Variants in CAPN1 observed in about 807,000 individuals in gnomAD.
The protein encoded by CAPN1 is calpain-1 catalytic subunit.
In CAPN1, 77 loss-of-function variants were observed where a neutral mutation model predicts 105.2. The observed-to-expected ratio is 0.73, with a 90% CI of 0.61 to 0.88. The LOEUF (loss-of-function observed/expected upper bound fraction) is 0.88. CAPN1 is among the 40% of genes least tolerant of loss of function. The pLI, the probability that CAPN1 is intolerant of heterozygous loss-of-function variation, is 0.00. For missense variants in CAPN1, 833 were observed against 976.6 expected (o/e 0.85, Z 1.96); for synonymous variants, 355 against 388.8 (o/e 0.91, Z 1.02).
intron 10 of CAPN1, among the ~76,000 whole-genome samples, chr11:65,193,860 G>C (rs1360411312): frequency 6.6e-6 from 1 of 151,284 alleles, no homozygotes; most frequent in Non-Finnish European, 1.5e-5. Flanking sequence ...CTCCCAAGTG[G>C]CTGGGATTAT....
chr11:65,196,951 A>G (rs1948800034), intron 10 of CAPN1, among the ~76,000 whole-genome samples: 1 of 152,190 alleles, frequency 6.6e-6, no homozygotes, highest in South Asian at 2.1e-4. Flanking sequence ...TAAATATGAT[A>G]ATTAGCTTAA....
intron 11 of CAPN1, among the ~76,000 whole-genome samples, chr11:65,205,253 G>A (rs1948938652): frequency 6.6e-6 from 1 of 152,322 alleles, no homozygotes; most frequent in East Asian, 1.9e-4. Flanking sequence ...GCCAAGGTGA[G>A]GCTGTGCCAG....
intron 10 of CAPN1, among the ~76,000 whole-genome samples, chr11:65,203,149 A>C (rs1948896068): frequency 1.3e-5 from 2 of 151,428 alleles, no homozygotes; most frequent in Non-Finnish European, 2.9e-5. Flanking sequence ...ATAATTGGGT[A>C]GTTTCATCCA....
At chr11:65,185,149 T>C (rs1948613765) in intron 4 of CAPN1, among the ~76,000 whole-genome samples, 1 of 152,142 alleles carries the variant, frequency 6.6e-6, no homozygotes, top group East Asian at 1.9e-4. Flanking sequence ...TACAAATTGA[T>C]TAGCCTGCAG....
intron 10 of CAPN1, among the ~76,000 whole-genome samples, chr11:65,195,101 T>G (rs12223247): frequency 0.15 from 13,214 of 85,882 alleles, 1,064 homozygotes; most frequent in African/African-American, 0.35. Context: ...TTTTTTGGGG[T>G]TTTTTTTTTT....
chr11:65,182,910 A>T lies in CAPN1; in HGVS notation c.209A>T (p.Tyr70Phe). Residue 70 changes from tyrosine (Y) to phenylalanine (F), a missense_variant, in exon 2 of 22, where the codon TAC becomes TTC. Physicochemically the swap from Tyr to Phe is conservative, Grantham distance 22 (BLOSUM62 3). Transcript: ENST00000279247. ...AFPPVPQSLGYKDLGPNSSKT... is the reference protein window; with the variant it reads ...AFPPVPQSLGFKDLGPNSSKT... Reference sequence around the variant, plus strand: ...CCCCCGGTACCCCAGAGCCTGGGTTACAAGGACCTGGGTCCCAATTCCTCC... The same window carrying T: ...CCCCCGGTACCCCAGAGCCTGGGTTTCAAGGACCTGGGTCCCAATTCCTCC... 1.9e-6 allele frequency: 3 copies of T among 1,610,812 alleles called. No individual in the cohort carries two copies. The highest frequency in any genetic ancestry group is 2.5e-6 in the Non-Finnish European group (3 of 1,178,564).
At chr11:65,207,636 G>C (rs992803275) in intron 14 of CAPN1, among the ~76,000 whole-genome samples, 13 of 151,926 alleles carry the variant, frequency 8.6e-5, no homozygotes, top group Non-Finnish European at 1.5e-4. Flanking sequence ...ACTCAAGCCG[G>C]GCTCAGTGGC....
intron 10 of CAPN1, among the ~76,000 whole-genome samples, chr11:65,202,071 C>T (rs554714182): frequency 1.2e-4 from 18 of 151,948 alleles, no homozygotes; most frequent in African/African-American, 3.9e-4. Context: ...ATGATCCACC[C>T]GCCTCGGCCT....
chr11:65,193,064 T>G (rs1029748014), intron 10 of CAPN1, among the ~76,000 whole-genome samples: 17 of 149,874 alleles, frequency 1.1e-4, no homozygotes, highest in Non-Finnish European at 1.9e-4. Flanking sequence ...TACTGCAAGC[T>G]CTGCCTCCCG....
At chr11:65,205,981 C>T in intron 12 of CAPN1, 1 of 553,564 alleles carries the variant, frequency 1.8e-6, no homozygotes. Flanking sequence ...TGAGGCTTTT[C>T]CTGCCTTGCC....
rs1346013502 is a variant in CAPN1 at position 65,210,297 on chromosome 11, G to A, written c.1943-39G>A. The A allele has an allele frequency of 2.8e-6, 4 of 1,450,210 alleles. No homozygotes were observed. The highest frequency in any genetic ancestry group is 3.8e-6 in the Non-Finnish European group (4 of 1,039,208). 89.8% of individuals were successfully genotyped at this position (1,450,210 alleles called of 1,614,324 possible). On this transcript the variant is annotated intron_variant, in intron 19 of 21. Transcript: ENST00000279247. This position sits in a 1 kb window ranked among gnomAD's most constrained non-coding sequence, Gnocchi z 4.3. ...CCCTCCCCCATCCTGTTGGGCAGGG[G>A]CTGCGCCTCACTGACCTTCACTCAC...
intron 10 of CAPN1, among the ~76,000 whole-genome samples, chr11:65,202,589 C>T (rs1395961316): frequency 4.0e-5 from 6 of 151,772 alleles, no homozygotes; most frequent in African/African-American, 4.8e-5. Context: ...ATTACAGGCA[C>T]CTGCCACCAT....
At position 65,206,630 on chromosome 11, in the gene CAPN1, C is replaced by T. The variant is rs761219620; in HGVS notation, c.1521C>T (p.Gly507=). ...VPSTFEPNKE[G]DFVLRFFSEK... is the part of the protein sequence containing the mutation. ...CCACCTTCGAGCCCAACAAGGAGGG[C>T]GACTTCGTGCTGCGCTTCTTCTCAG... Residue 507 remains glycine, a synonymous_variant, in exon 13 of 22, where the codon GGC becomes GGT. Coordinates refer to ENST00000279247, the MANE Select transcript of CAPN1 (RefSeq NM_005186.4). 22 of 1,613,254 alleles carry T rather than the reference C, an allele frequency of 1.4e-5. No homozygotes were observed. Among genetic ancestry groups the T allele is most frequent in the African/African-American group, 5.3e-5 (4 of 74,922 alleles).
upstream of CAPN1, chr11:65,181,474 G>T (rs1252080874): frequency 4.2e-6 from 1 of 240,368 alleles, no homozygotes; most frequent in Non-Finnish European, 8.3e-6. This position sits in a 1 kb window ranked among gnomAD's most constrained non-coding sequence, Gnocchi z 4.6. Context: ...CGCGCGGAGC[G>T]AGGGGAGCTG....
At chr11:65,183,434 G>T (rs1352987319) in intron 3 of CAPN1, 40 bp from the exon 4 acceptor site, 1 of 1,492,154 alleles carries the variant, frequency 6.7e-7, no homozygotes, top group Non-Finnish European at 9.3e-7. Flanking sequence ...CCCCGGGGCA[G>T]GTTGGTAGAG....
intron 10 of CAPN1, among the ~76,000 whole-genome samples, chr11:65,198,202 G>A (rs894799952): frequency 2.0e-5 from 3 of 151,504 alleles, no homozygotes; most frequent in Non-Finnish European, 2.9e-5. Flanking sequence ...GTGTGGTGGC[G>A]TGATCTCAGC....
intron 10 of CAPN1, among the ~76,000 whole-genome samples, chr11:65,190,536 G>A (rs551093143): frequency 6.6e-6 from 1 of 152,210 alleles, no homozygotes; most frequent in South Asian, 2.1e-4. Flanking sequence ...GCGCCCTCAA[G>A]TAGTCCTGAG....
intron 4 of CAPN1, among the ~76,000 whole-genome samples, chr11:65,185,063 G>A (rs1208519139): frequency 6.6e-6 from 1 of 151,962 alleles, no homozygotes; most frequent in African/African-American, 2.4e-5. Flanking sequence ...TACAGGCAAA[G>A]GAAAGCATCC....
In CAPN1 at chr11:65,206,837, A is replaced by G; in HGVS notation, c.1605+18A>G. 6.2e-7 allele frequency: 1 copy of G among 1,606,778 alleles called. No homozygotes were observed. The highest frequency in any genetic ancestry group is 8.5e-7 in the Non-Finnish European group (1 of 1,176,642). Reference sequence around the variant, plus strand: ...CCGATGAGGTGCGTGGTCCCACCCCACCAGGCCCCGTCCTCCTCTCTTCCT... The same window carrying G: ...CCGATGAGGTGCGTGGTCCCACCCCGCCAGGCCCCGTCCTCCTCTCTTCCT... On this transcript the variant is annotated intron_variant, in intron 14 of 21. Transcript: ENST00000279247.
Sources: gnomAD v4.1 joint callset for allele counts (sites outside exome capture counted in the v4.1 genomes callset) on GRCh38, gnomAD v4.1.1 for gene constraint, Gnocchi (gnomAD v3.1) non-coding constraint, MANE v1.5 for transcripts, NCBI Gene and HGNC (gene_info 2026-07-23, HGNC 2026-07-21) for gene names.